The following ZNF850 variants were observed in gnomAD, a reference collection of about 807,000 sequenced individuals.
ZNF850 encodes the protein zinc finger protein 850, also known as putative zinc finger protein ENSP00000330994.
ZNF850 carries 2 observed loss-of-function variants against 11.9 expected under a neutral mutation model. The ratio of observed to expected loss-of-function variants is 0.17; its 90% CI spans 0.07 to 0.53. The LOEUF (loss-of-function observed/expected upper bound fraction) is 0.53, where lower values mean the gene tolerates loss of function less well. ZNF850 is among the 20% of genes least tolerant of loss of function. ZNF850 has a pLI of 0.94. For synonymous variants in ZNF850, 381 were observed against 443.0 expected, an observed-to-expected ratio of 0.86 and a Z score of 1.76; for missense variants, 1,014 against 1,316.4, an observed-to-expected ratio of 0.77 and a Z score of 3.55.
rs745782099 is a variant in ZNF850, at chr19:36,749,847, C to G, written c.1193G>C (p.Cys398Ser). ...TGAGCGAAAAGTAAAAGATTTCCCA[C>G]ATTCCTTACAATCATAGGGTTTCTC... is the stretch of plus-strand genomic sequence containing the variant. ...TGEKPYDCKECGKSFTFRSGL... is the reference protein window; with the variant it reads ...TGEKPYDCKESGKSFTFRSGL... The change falls in exon 5 of 5, where the codon TGT becomes TCT. Residue 398 changes from cysteine (C) to serine (S), a missense_variant. Cys to Ser is a moderately radical substitution (Grantham distance 112). Transcript: ENST00000591344. The G allele has an allele frequency of 8.2e-6, 13 of 1,576,430 alleles. No homozygotes were observed. The highest frequency in any genetic ancestry group is 6.0e-6 in the Non-Finnish European group (7 of 1,163,618).
At chr19:36,763,210 A>T (rs1165827481) in intron 1 of ZNF850, among the ~76,000 whole-genome samples, 1 of 151,966 alleles carries the variant, frequency 6.6e-6, no homozygotes, top group Non-Finnish European at 1.5e-5. Flanking sequence ...TTCTTAAAGG[A>T]AGACAGGATC....
chr19:36,770,954 C>G (rs999459729), intron 1 of ZNF850, among the ~76,000 whole-genome samples: 12 of 152,026 alleles, frequency 7.9e-5, no homozygotes, highest in African/African-American at 2.9e-4. Context: ...CATTCCTACC[C>G]CTAAAATATA....
At chr19:36,753,978 A>G (rs1459550713) in intron 4 of ZNF850, among the ~76,000 whole-genome samples, 1 of 152,006 alleles carries the variant, frequency 6.6e-6, no homozygotes, top group Non-Finnish European at 1.5e-5. Flanking sequence ...AGAAGACAGG[A>G]AAAGTGAGAC....
rs2040406012 is a variant in ZNF850 at position 36,745,393 on chromosome 19, A to G, written c.*2374T>C. 1.3e-5 allele frequency: 2 copies of G among 152,168 alleles called. No individual in the cohort carries two copies. The highest frequency in any genetic ancestry group is 2.4e-5 in the African/African-American group (1 of 41,454). 9.4% of individuals were successfully genotyped at this position (152,168 alleles called of 1,614,324 possible). A position where few individuals can be genotyped will look rare whatever the true frequency, so the allele number is the denominator to read the frequency against. On this transcript the variant is annotated 3_prime_UTR_variant, in exon 5 of 5. Coordinates refer to ENST00000591344, the MANE Select transcript of ZNF850 (RefSeq NM_001193552.2). ...TTTACATATAATAAAATGCAACCATATGTCTACATTCATGCAAATACCACC... is the reference window on the plus strand; with the variant it reads ...TTTACATATAATAAAATGCAACCATGTGTCTACATTCATGCAAATACCACC...
At chr19:36,755,385 C>G (rs958912802) in intron 4 of ZNF850, among the ~76,000 whole-genome samples, 1 of 152,076 alleles carries the variant, frequency 6.6e-6, no homozygotes, top group Admixed American at 6.6e-5. Context: ...CAACACCACA[C>G]CCAGCTAATT....
intron 4 of ZNF850, among the ~76,000 whole-genome samples, chr19:36,753,445 A>AAAAAAAAAAAC: frequency 1.4e-5 from 2 of 146,608 alleles, no homozygotes; most frequent in South Asian, 2.2e-4. Flanking sequence ...AAAAAAAAAA[A>AAAAAAAAAAAC]AGCCGGGTGT....
intron 1 of ZNF850, among the ~76,000 whole-genome samples, chr19:36,763,480 G>T (rs530635982): frequency 6.6e-6 from 1 of 151,792 alleles, no homozygotes; most frequent in African/African-American, 2.4e-5. Flanking sequence ...GGAGGCAGAG[G>T]TTGCGGTGAG....
intron 4 of ZNF850, among the ~76,000 whole-genome samples, chr19:36,754,722 A>AT (rs1484809382): frequency 1.3e-5 from 2 of 151,966 alleles, no homozygotes; most frequent in Non-Finnish European, 2.9e-5. Context: ...CGCCCGGCTA[A>AT]TTTTTTGTAT....
In ZNF850 at chr19:36,749,675, C is replaced by G. The variant is rs879165396; in HGVS notation, c.1365G>C (p.Gly455=). 6.5e-7 allele frequency: 1 copy of G among 1,538,330 alleles called. No individual in the cohort carries two copies. Among genetic ancestry groups the G allele is most frequent in the Non-Finnish European group, 8.7e-7 (1 of 1,147,506 alleles). The change falls in exon 5 of 5, where the codon GGG becomes GGC. Residue 455 remains glycine, a synonymous_variant. Coordinates refer to ENST00000591344, the MANE Select transcript of ZNF850 (RefSeq NM_001193552.2). ...GTGCTGAGCCCGAAGCAAAAGATTT[C>G]CCACACTCCTTACAATCATAGGGTT... ...GEKPYDCKEC[G]KSFASGSALL...
intron 1 of ZNF850, among the ~76,000 whole-genome samples, chr19:36,770,892 T>C (rs2040577774): frequency 6.6e-6 from 1 of 152,100 alleles, no homozygotes; most frequent in Non-Finnish European, 1.5e-5. Context: ...CACAGATGAC[T>C]GGGCAAATCC....
At chr19:36,764,484 G>A (rs1193876400) in intron 1 of ZNF850, among the ~76,000 whole-genome samples, 2 of 152,128 alleles carry the variant, frequency 1.3e-5, no homozygotes, top group Non-Finnish European at 2.9e-5. Flanking sequence ...GGTGAGGCTA[G>A]AGTTTATTAT....
rs541720939 is a variant in ZNF850, at chr19:36,761,794, C to T, written c.140-56G>A. 8.9e-6 allele frequency: 10 copies of T among 1,124,876 alleles called. No individual in the cohort carries two copies. In the South Asian group the frequency reaches 1.4e-4, roughly 16 times the overall value. The allele number at this position is 1,124,876 out of a possible 1,614,324, so 69.7% of individuals were successfully genotyped here. Reference sequence around the variant, plus strand: ...GGCATGGTGGCTCACTCCTATAATCCCAGCACTTTGGGAGACCAAAACAGG... The same window carrying T: ...GGCATGGTGGCTCACTCCTATAATCTCAGCACTTTGGGAGACCAAAACAGG... On this transcript the variant is annotated intron_variant, in intron 3 of 4. Coordinates refer to ENST00000591344, the MANE Select transcript of ZNF850 (RefSeq NM_001193552.2).
intron 4 of ZNF850, among the ~76,000 whole-genome samples, chr19:36,754,712 C>T (rs778533973): frequency 2.6e-5 from 4 of 152,026 alleles, no homozygotes; most frequent in Non-Finnish European, 4.4e-5. Context: ...CCTGCCACCA[C>T]GCCCGGCTAA....
intron 4 of ZNF850, among the ~76,000 whole-genome samples, chr19:36,753,202 G>C (rs1161286667): frequency 6.8e-6 from 1 of 146,798 alleles, no homozygotes; most frequent in Non-Finnish European, 1.5e-5. Context: ...CCAGGAGACA[G>C]AGTTTGCAGT....
Position 36,771,819 on chromosome 19 carries a change from A to C in ZNF850, c.-70+906T>G, listed in dbSNP as rs557548238. 6.6e-5 allele frequency among the ~76,000 whole-genome samples: 10 copies of C among 152,276 alleles called. No homozygotes were observed. In the East Asian group the frequency reaches 1.9e-3, roughly 29 times the overall value. ...TTGGGCTGTGCGAAACATCCTTCCC[A>C]ACCGCCTGACTTCCTTATCACATCC... On this transcript the variant is annotated intron_variant, in intron 1 of 4. Transcript: ENST00000591344.
chr19:36,763,799 G>A (rs930531619), intron 1 of ZNF850, among the ~76,000 whole-genome samples: 6 of 152,026 alleles, frequency 3.9e-5, no homozygotes, highest in Admixed American at 3.9e-4. Flanking sequence ...TTAGCCAGAT[G>A]TGGTGGGACA....
chr19:36,758,874 C>T lies in ZNF850; in HGVS notation c.235+2769G>A, dbSNP rs181047077. 9.0e-4 allele frequency among the ~76,000 whole-genome samples: 136 copies of T among 151,314 alleles called. 1 individual carries two copies. The highest frequency in any genetic ancestry group is 1.5e-3 in the Non-Finnish European group (104 of 67,832). The stretch of plus-strand genomic sequence containing the variant: ...CAGGCAGATCACGAGGTCAGGAGAT[C>T]AAGACCATCCTGGCCAATGTGGTGA... On this transcript the variant is annotated intron_variant, in intron 4 of 4. Transcript: ENST00000591344.
chr19:36,762,600 T>C lies in ZNF850; in HGVS notation c.7A>G (p.Met3Val). ...GTGTAACTTCAACAAAGTACCTCCATGTTCATGAATATTCCTGTTGCAGCC... is the reference window on the plus strand; with the variant it reads ...GTGTAACTTCAACAAAGTACCTCCACGTTCATGAATATTCCTGTTGCAGCC... MNMEGLVMFQDLS... is the reference protein window; with the variant it reads MNVEGLVMFQDLS... The change falls in exon 2 of 5, where the codon ATG (methionine) becomes GTG (valine). Residue 3 changes from methionine to valine, a missense_variant. Transcript: ENST00000591344. 1 of 1,535,984 alleles carries C rather than the reference T, an allele frequency of 6.5e-7. No individual in the cohort carries two copies. Among genetic ancestry groups the C allele is most frequent in the East Asian group, 2.4e-5 (1 of 40,914 alleles).
In ZNF850 at chr19:36,748,653, G is replaced by A; in HGVS notation, c.2387C>T (p.Ser796Phe). The change falls in exon 5 of 5, where the codon TCT becomes TTT. Residue 796 changes from serine to phenylalanine, a missense_variant. Ser to Phe is a radical substitution (Grantham distance 155). Around this residue, in one of 2 missense-constraint regions of ZNF850, gnomAD observed 835 missense variants for 1,022.0 expected, o/e 0.82. Coordinates refer to ENST00000591344, the MANE Select transcript of ZNF850 (RefSeq NM_001193552.2). The stretch of plus-strand genomic sequence containing the variant: ...CTGATGTTGAATTAGTGTTGAATGA[G>A]AAGTAAAAGATTTCCCACATTCCTT... The part of the protein sequence containing the change: ...DCKECGKSFT[S>F]HSTLIQHQPL... 1 of 1,536,686 alleles carries A rather than the reference G, an allele frequency of 6.5e-7. No individual in the cohort carries two copies. The highest frequency in any genetic ancestry group is 8.7e-7 in the Non-Finnish European group (1 of 1,146,844).
Sources: gnomAD v4.1 joint callset for allele counts (sites outside exome capture counted in the v4.1 genomes callset) on GRCh38, gnomAD v4.1.1 for gene constraint, gnomAD v4.1.1 regional missense constraint, MANE v1.5 for transcripts, NCBI Gene and HGNC (gene_info 2026-07-23, HGNC 2026-07-21) for gene names.